The following ASIC2 variants were observed in gnomAD, a reference collection of about 807,000 sequenced individuals.
ASIC2 encodes acid sensing ion channel subunit 2, also known as acid-sensing ion channel 2.
In ASIC2, 25 loss-of-function variants were observed where a neutral mutation model predicts 57.3. The observed-to-expected ratio is 0.44, with a 90% CI of 0.32 to 0.61. The LOEUF is 0.61. ASIC2 is among the 20% of genes least tolerant of loss of function. The pLI, the probability that ASIC2 is intolerant of heterozygous loss-of-function variation, is 0.06. For synonymous variants in ASIC2, 319 were observed against 307.5 expected (o/e 1.04, Z -0.39); for missense variants, 641 against 738.1 (o/e 0.87, Z 1.52).
rs564735444 is a variant in ASIC2, at chr17:33,091,292, AG to A, written c.860-2303del. 1.2e-3 allele frequency among the ~76,000 whole-genome samples: 179 copies of A among 152,232 alleles called. 2 individuals are homozygous for A. The highest frequency in any genetic ancestry group is 4.1e-3 in the African/African-American group (170 of 41,540). On this transcript the variant is annotated intron_variant, in intron 2 of 9. Coordinates refer to ENST00000225823, the MANE Select transcript of ASIC2 (RefSeq NM_183377.2). ...GACGGGGGTTGAGGAGAGAGTGTGGAGCCTGAAAAACAGACTCAGATGGGGA... is the reference window on the plus strand; with the variant it reads ...GACGGGGGTTGAGGAGAGAGTGTGGACCTGAAAAACAGACTCAGATGGGGA...
intron 1 of ASIC2, among the ~76,000 whole-genome samples, chr17:33,352,381 A>C (rs1241910465): frequency 6.6e-6 from 1 of 151,434 alleles, no homozygotes; most frequent in Non-Finnish European, 1.5e-5. Context: ...CCAGCCCATT[A>C]CCCCCCAAGG....
intron 1 of ASIC2, among the ~76,000 whole-genome samples, chr17:33,866,607 ACT>A (rs1195145816): frequency 2.0e-5 from 3 of 152,018 alleles, no homozygotes; most frequent in Non-Finnish European, 2.9e-5. Context: ...ATTTTATTCA[ACT>A]CTCTGATTCT....
intron 1 of ASIC2, among the ~76,000 whole-genome samples, chr17:33,432,047 A>G (rs1349873065): frequency 1.3e-5 from 2 of 152,224 alleles, no homozygotes; most frequent in Non-Finnish European, 2.9e-5. Flanking sequence ...ATGAAGACCA[A>G]ACTAGAAGGA....
At chr17:33,055,370 TTCCTCAACTGTCGC>T (rs556699419) in intron 3 of ASIC2, among the ~76,000 whole-genome samples, 184 of 152,290 alleles carry the variant, frequency 1.2e-3, no homozygotes, top group African/African-American at 4.0e-3. Context: ...GGACTCCTCG[TTCCTCAACTGTCGC>T]TTCTGGTTAC....
chr17:33,862,526 A>G (rs999669791), intron 1 of ASIC2, among the ~76,000 whole-genome samples: 9 of 152,224 alleles, frequency 5.9e-5, no homozygotes, highest in Non-Finnish European at 1.0e-4. Flanking sequence ...TTAAAATCCT[A>G]ATCTTATAGA....
At chr17:34,124,960 T>C (rs749857594) in intron 1 of ASIC2, among the ~76,000 whole-genome samples, 1 of 149,648 alleles carries the variant, frequency 6.7e-6, no homozygotes, top group South Asian at 2.1e-4. Flanking sequence ...CCCCATGTCA[T>C]AGATCACAGG....
chr17:33,749,564 A>G (rs764267335), intron 1 of ASIC2, among the ~76,000 whole-genome samples: 14 of 151,912 alleles, frequency 9.2e-5, no homozygotes, highest in Non-Finnish European at 2.1e-4. Context: ...ACAGATCCTG[A>G]GCTGGCTGTC....
At chr17:33,409,147 A>T (rs1207288337) in intron 1 of ASIC2, among the ~76,000 whole-genome samples, 1 of 152,184 alleles carries the variant, frequency 6.6e-6, no homozygotes, top group Non-Finnish European at 1.5e-5. Flanking sequence ...CCTGGGAGGC[A>T]GAGGTTGTAG....
At chr17:33,929,304 G>C (rs1405217135) in intron 1 of ASIC2, among the ~76,000 whole-genome samples, 2 of 152,124 alleles carry the variant, frequency 1.3e-5, no homozygotes, top group African/African-American at 4.8e-5. Context: ...TCTACATTAG[G>C]TTAGTGCTCA....
intron 1 of ASIC2, chr17:34,039,446 G>A: frequency 6.2e-7 from 1 of 1,613,658 alleles, no homozygotes; most frequent in Non-Finnish European, 8.5e-7. Context: ...AGAGCAGACT[G>A]CTCCTCCGTT....
intron 1 of ASIC2, among the ~76,000 whole-genome samples, chr17:33,550,656 G>T (rs1244024167): frequency 6.6e-6 from 1 of 152,200 alleles, no homozygotes; most frequent in Non-Finnish European, 1.5e-5. Context: ...AGGGATAATT[G>T]CATCCCTTGT....
intron 1 of ASIC2, among the ~76,000 whole-genome samples, chr17:33,934,574 C>T (rs953351332): frequency 6.6e-6 from 1 of 152,180 alleles, no homozygotes; most frequent in Admixed American, 6.5e-5. Flanking sequence ...ACCTGACACA[C>T]CCCGTGGGAT....
chr17:33,799,465 TCTTTCTTTCTTTC>T (rs1912058649), intron 1 of ASIC2, among the ~76,000 whole-genome samples: 1 of 142,842 alleles, frequency 7.0e-6, no homozygotes, highest in African/African-American at 2.7e-5. Flanking sequence ...TTTCTTTCTT[TCTTTCTTTCTTTC>T]CTTCTTTCTT....
At chr17:33,924,268 C>T (rs1485811355) in intron 1 of ASIC2, among the ~76,000 whole-genome samples, 7 of 152,224 alleles carry the variant, frequency 4.6e-5, no homozygotes, top group Admixed American at 4.6e-4. Flanking sequence ...GGGTTCTCCC[C>T]AACCCTGGAG....
At chr17:33,021,621 C>T (rs2091835915) in intron 6 of ASIC2, among the ~76,000 whole-genome samples, 1 of 152,222 alleles carries the variant, frequency 6.6e-6, no homozygotes. Flanking sequence ...GGGCCTGCCT[C>T]GTCCTCAACA....
chr17:33,434,338 T>G (rs904407320), intron 1 of ASIC2, among the ~76,000 whole-genome samples: 1 of 152,088 alleles, frequency 6.6e-6, no homozygotes, highest in African/African-American at 2.4e-5. Flanking sequence ...AATCTAAATC[T>G]GCATATAGAA....
rs1367214618 is a variant in ASIC2 at position 33,202,690 on chromosome 17, G to A, written c.708+88718C>T. Among the ~76,000 whole-genome samples the A allele has an allele frequency of 4.6e-5, 7 of 152,196 alleles. 1 individual carries two copies. In the East Asian group the frequency reaches 1.3e-3, roughly 29 times the overall value. ...ATAAGAGTTGCTATGGAGAGCGAAC[G>A]TGACTTTAAGACATAATTGCAGTTC... On this transcript the variant is annotated intron_variant, in intron 1 of 9. Coordinates refer to ENST00000225823, the MANE Select transcript of ASIC2 (RefSeq NM_183377.2).
intron 1 of ASIC2, among the ~76,000 whole-genome samples, chr17:33,211,274 C>T (rs1355090572): frequency 6.6e-6 from 1 of 152,130 alleles, no homozygotes; most frequent in African/African-American, 2.4e-5. Context: ...CTTGCATAAG[C>T]TCAGGTGAGC....
At chr17:33,082,731 A>AATAT (rs2092118165) in intron 3 of ASIC2, among the ~76,000 whole-genome samples, 1 of 151,676 alleles carries the variant, frequency 6.6e-6, no homozygotes, top group African/African-American at 2.4e-5. Flanking sequence ...TAAATAAATA[A>AATAT]ATAAATAAAT....
Sources: allele counts gnomAD v4.1 joint callset (sites outside exome capture counted in the v4.1 genomes callset), GRCh38; gene constraint gnomAD v4.1.1; transcripts MANE v1.5; gene names NCBI Gene and HGNC (gene_info 2026-07-23, HGNC 2026-07-21).